Variants in FAM114A1 observed in about 807,000 individuals in gnomAD.
FAM114A1 encodes protein NOXP20.
A neutral mutation model predicts 64.3 loss-of-function variants in FAM114A1; 62 were observed. The ratio of observed to expected loss-of-function variants is 0.96; its 90% CI spans 0.79 to 1.19. The LOEUF (loss-of-function observed/expected upper bound fraction) is 1.19. Among genes scored for constraint, FAM114A1 ranks in the 50% most tolerant of loss-of-function variants. The pLI is 0.00. For synonymous variants in FAM114A1, 254 were observed against 251.1 expected (o/e 1.01, Z -0.11); for missense variants, 645 against 676.3 (o/e 0.95, Z 0.51).
intron 7 of FAM114A1, among the ~76,000 whole-genome samples, chr4:38,911,287 G>A (rs1718504761): frequency 6.6e-6 from 1 of 152,218 alleles, no homozygotes; most frequent in South Asian, 2.1e-4. Context: ...GCGAAGCCAT[G>A]GGAAAGCCCT....
At chr4:38,924,828 A>G (rs1719958712) in intron 9 of FAM114A1, among the ~76,000 whole-genome samples, 1 of 152,144 alleles carries the variant, frequency 6.6e-6, no homozygotes, top group African/African-American at 2.4e-5. Context: ...ACTAGCAATC[A>G]CCAAAAAGAA....
At chr4:38,915,115 G>C (rs376092782) in intron 8 of FAM114A1, 42 bp downstream of exon 8, 17 of 1,595,044 alleles carry the variant, frequency 1.1e-5, no homozygotes, top group Non-Finnish European at 1.5e-5. Flanking sequence ...GCTTAGTCAT[G>C]TGTTGCTTAA....
intron 4 of FAM114A1, among the ~76,000 whole-genome samples, chr4:38,902,000 T>G (rs1260887903): frequency 6.6e-6 from 1 of 152,208 alleles, no homozygotes; most frequent in African/African-American, 2.4e-5. Flanking sequence ...AAACCAAGGA[T>G]CTGATTTCCA....
intron 8 of FAM114A1, among the ~76,000 whole-genome samples, chr4:38,918,009 G>C (rs1263228557): frequency 6.6e-6 from 1 of 151,900 alleles, no homozygotes; most frequent in East Asian, 1.9e-4. Flanking sequence ...CTGAGGTCAG[G>C]AGTTCGAGAT....
intron 3 of FAM114A1, among the ~76,000 whole-genome samples, chr4:38,885,185 G>A (rs1268003971): frequency 6.6e-6 from 1 of 152,094 alleles, no homozygotes; most frequent in African/African-American, 2.4e-5. Flanking sequence ...ATGTTAGCCA[G>A]GCTGGTCTTG....
At chr4:38,937,936 C>T (rs1721250047) in intron 13 of FAM114A1, among the ~76,000 whole-genome samples, 1 of 151,872 alleles carries the variant, frequency 6.6e-6, no homozygotes, top group Admixed American at 6.6e-5. Flanking sequence ...AGGGTTTCAC[C>T]ATGTTGGCCA....
chr4:38,905,500 A>G (rs565049279), intron 4 of FAM114A1, 22 bp from the exon 5 acceptor site: 2 of 1,560,804 alleles, frequency 1.3e-6, no homozygotes, highest in Admixed American at 3.4e-5. Flanking sequence ...GTATCCATGA[A>G]CCATATTTTT....
intron 6 of FAM114A1, among the ~76,000 whole-genome samples, chr4:38,906,797 A>C (rs1718052547): frequency 6.6e-6 from 1 of 152,192 alleles, no homozygotes; most frequent in South Asian, 2.1e-4. Context: ...GGCCTCCCAA[A>C]GTGCTGAGAT....
chr4:38,928,733 A>G (rs181567069), intron 9 of FAM114A1, among the ~76,000 whole-genome samples: 45 of 152,332 alleles, frequency 3.0e-4, no homozygotes, highest in African/African-American at 1.0e-3. Context: ...AAATTTCTCC[A>G]GAGAGATGGT....
At chr4:38,869,806 T>TAA (rs1269840685) in intron 2 of FAM114A1, among the ~76,000 whole-genome samples, 5 of 151,676 alleles carry the variant, frequency 3.3e-5, no homozygotes, top group African/African-American at 9.7e-5. Context: ...CCATTTTTTT[T>TAA]AAAAAAATCC....
intron 7 of FAM114A1, among the ~76,000 whole-genome samples, chr4:38,909,034 A>G (rs1008799880): frequency 3.3e-5 from 5 of 152,270 alleles, no homozygotes; most frequent in African/African-American, 1.2e-4. Flanking sequence ...GTGGATAGAC[A>G]TGCACATAAA....
chr4:38,942,876 C>G (rs1364494314), intron 14 of FAM114A1, among the ~76,000 whole-genome samples: 1 of 108,376 alleles, frequency 9.2e-6, no homozygotes, highest in Non-Finnish European at 1.9e-5. Context: ...AGGACATACC[C>G]TGGGCCAAGA....
chr4:38,916,928 T>G (rs1282596588), intron 8 of FAM114A1, among the ~76,000 whole-genome samples: 2 of 152,154 alleles, frequency 1.3e-5, no homozygotes, highest in Non-Finnish European at 2.9e-5. Flanking sequence ...TTTGCATTGT[T>G]GTCAGCCCTT....
chr4:38,887,369 A>G (rs1029839723), intron 3 of FAM114A1, among the ~76,000 whole-genome samples: 9 of 152,210 alleles, frequency 5.9e-5, no homozygotes, highest in Admixed American at 3.9e-4. Context: ...CCTTTTTACC[A>G]AGTTACACAC....
At chr4:38,936,854 TAA>T (rs1291367309) in intron 13 of FAM114A1, among the ~76,000 whole-genome samples, 1 of 152,182 alleles carries the variant, frequency 6.6e-6, no homozygotes, top group East Asian at 1.9e-4. Context: ...CTGGCAGAGA[TAA>T]GAGTTTTCTT....
intron 9 of FAM114A1, among the ~76,000 whole-genome samples, chr4:38,924,337 A>G (rs1472426292): frequency 1.3e-5 from 2 of 152,216 alleles, no homozygotes; most frequent in East Asian, 3.8e-4. Flanking sequence ...TATAACTTTC[A>G]TGTATTATTA....
intron 4 of FAM114A1, among the ~76,000 whole-genome samples, chr4:38,893,942 C>A (rs565795753): frequency 8.5e-4 from 129 of 152,118 alleles, no homozygotes; most frequent in African/African-American, 3.0e-3. Context: ...GTGGATGGAT[C>A]ATTTGAGGTC....
chr4:38,895,776 G>A (rs1466654484), intron 4 of FAM114A1, among the ~76,000 whole-genome samples: 2 of 152,182 alleles, frequency 1.3e-5, no homozygotes, highest in Non-Finnish European at 2.9e-5. Context: ...ATTGCGCCGA[G>A]GCTGCAAACA....
At chr4:38,921,891 G>GA (rs35312262) in intron 8 of FAM114A1, among the ~76,000 whole-genome samples, 69,570 of 152,038 alleles carry the variant, frequency 0.46, 16,367 homozygotes, top group East Asian at 0.65. Flanking sequence ...TGCATCTATA[G>GA]ATGCGTATTT....
Sources: gnomAD v4.1 joint callset for allele counts (sites outside exome capture counted in the v4.1 genomes callset) on GRCh38, gnomAD v4.1.1 for gene constraint, MANE v1.5 for transcripts, NCBI Gene and HGNC (gene_info 2026-07-23, HGNC 2026-07-21) for gene names.